The following TTC28 variants were observed in gnomAD, a reference collection of about 807,000 sequenced individuals.
TTC28 encodes tetratricopeptide repeat protein 28.
A neutral mutation model predicts 198.0 loss-of-function variants in TTC28; 61 were observed. The ratio of observed to expected loss-of-function variants is 0.31; its 90% confidence interval spans 0.25 to 0.38. The LOEUF (loss-of-function observed/expected upper bound fraction) is 0.38, where lower values mean the gene tolerates loss of function less well. TTC28 is among the 10% of genes least tolerant of loss of function. The probability of loss-of-function intolerance (pLI) is 1.00; values close to 1 mark genes in which losing one functional copy is unlikely to be tolerated. For synonymous variants in TTC28, 1,171 were observed against 1,297.8 expected (o/e 0.90, Z 2.10); for missense variants, 2,678 against 3,164.0 (o/e 0.85, Z 3.69).
intron 2 of TTC28, among the ~76,000 whole-genome samples, chr22:28,590,128 ATTT>A (rs1212753237): frequency 7.4e-6 from 1 of 135,136 alleles, no homozygotes; most frequent in Admixed American, 7.5e-5. Context: ...CAATTTCTAA[ATTT>A]TTTTTTTTTT....
intron 2 of TTC28, among the ~76,000 whole-genome samples, chr22:28,487,931 C>A (rs888272038): frequency 6.6e-6 from 1 of 152,088 alleles, no homozygotes; most frequent in African/African-American, 2.4e-5. Context: ...ATGCATTTTG[C>A]AACATATTTT....
intron 2 of TTC28, among the ~76,000 whole-genome samples, chr22:28,353,724 A>G (rs1453102533): frequency 6.6e-6 from 1 of 152,234 alleles, no homozygotes; most frequent in East Asian, 1.9e-4. Context: ...GGCACTACAA[A>G]GAGAGTAAAA....
chr22:28,151,358 A>C (rs1215640837), intron 6 of TTC28, among the ~76,000 whole-genome samples: 1 of 152,210 alleles, frequency 6.6e-6, no homozygotes, highest in East Asian at 1.9e-4. Flanking sequence ...AGACACAACT[A>C]TGGGACCTGG....
intron 6 of TTC28, among the ~76,000 whole-genome samples, chr22:28,149,890 T>A (rs1267757567): frequency 6.6e-6 from 1 of 152,186 alleles, no homozygotes; most frequent in Non-Finnish European, 1.5e-5. Flanking sequence ...GGGTAGATTT[T>A]AAATGTTCTC....
chr22:28,046,903 T>C (rs1420815696), intron 12 of TTC28, among the ~76,000 whole-genome samples: 2 of 152,094 alleles, frequency 1.3e-5, no homozygotes, highest in Non-Finnish European at 2.9e-5. Context: ...GAGGTGTCAA[T>C]GCAATAAATA....
At chr22:28,387,307 T>A (rs1430295817) in intron 2 of TTC28, among the ~76,000 whole-genome samples, 1 of 152,184 alleles carries the variant, frequency 6.6e-6, no homozygotes, top group Non-Finnish European at 1.5e-5. Context: ...TAAACATACG[T>A]GTGCATGTGT....
At chr22:28,337,749 G>T (rs1344371307) in intron 2 of TTC28, among the ~76,000 whole-genome samples, 17 of 152,130 alleles carry the variant, frequency 1.1e-4, no homozygotes, top group African/African-American at 2.9e-4. Flanking sequence ...CACGTGAGAT[G>T]GGTTTCCTGA....
intron 2 of TTC28, among the ~76,000 whole-genome samples, chr22:28,473,687 C>A (rs1175567107): frequency 6.6e-6 from 1 of 152,244 alleles, no homozygotes; most frequent in Non-Finnish European, 1.5e-5. Context: ...GCTAACACCA[C>A]TGCATGCCCT....
chr22:28,305,710 A>C (rs1254752762), intron 3 of TTC28, among the ~76,000 whole-genome samples: 1 of 152,172 alleles, frequency 6.6e-6, no homozygotes, highest in Non-Finnish European at 1.5e-5. Context: ...ACTGTCTACC[A>C]TAAATCTGCC....
intron 5 of TTC28, among the ~76,000 whole-genome samples, chr22:28,185,106 T>C (rs1323729741): frequency 6.6e-6 from 1 of 152,236 alleles, no homozygotes; most frequent in Non-Finnish European, 1.5e-5. Flanking sequence ...AATGAATATG[T>C]GGTACTAATG....
At chr22:28,677,666 G>A (rs1456895288) in intron 1 of TTC28, among the ~76,000 whole-genome samples, 2 of 151,596 alleles carry the variant, frequency 1.3e-5, no homozygotes, top group East Asian at 2.0e-4. Context: ...GCCAGGTGCC[G>A]TGGCTCACAC....
At chr22:28,617,420 C>T (rs1261817239) in intron 2 of TTC28, among the ~76,000 whole-genome samples, 1 of 151,864 alleles carries the variant, frequency 6.6e-6, no homozygotes, top group Non-Finnish European at 1.5e-5. Flanking sequence ...GTGGAGAATC[C>T]TTTGAGCCTG....
intron 2 of TTC28, among the ~76,000 whole-genome samples, chr22:28,541,120 T>C (rs376967491): frequency 2.6e-5 from 4 of 152,360 alleles, no homozygotes; most frequent in East Asian, 3.9e-4. Flanking sequence ...GCTTCCACTT[T>C]TGGCCATGAT....
At chr22:28,267,965 C>T (rs1364036547) in intron 5 of TTC28, among the ~76,000 whole-genome samples, 4 of 152,158 alleles carry the variant, frequency 2.6e-5, no homozygotes, top group Non-Finnish European at 5.9e-5. Flanking sequence ...AGTTTAATAT[C>T]AGGTATTTTA....
At chr22:28,013,680 A>G (rs1938243657) in intron 14 of TTC28, among the ~76,000 whole-genome samples, 1 of 152,152 alleles carries the variant, frequency 6.6e-6, no homozygotes, top group Non-Finnish European at 1.5e-5. Context: ...GTGGGGAAGC[A>G]TTCATTCCCA....
intron 2 of TTC28, among the ~76,000 whole-genome samples, chr22:28,360,051 G>A (rs134510): frequency 0.96 from 146,544 of 152,202 alleles, 70,610 homozygotes; most frequent in East Asian, 0.99. Context: ...TTGCAGTCAG[G>A]TCTCATTCTA....
intron 2 of TTC28, among the ~76,000 whole-genome samples, chr22:28,424,776 C>T (rs2047322329): frequency 6.6e-6 from 1 of 152,182 alleles, no homozygotes; most frequent in African/African-American, 2.4e-5. Context: ...CCATATGTTC[C>T]TGTTTCACAA....
At chr22:28,401,656 T>C (rs1169527599) in intron 2 of TTC28, among the ~76,000 whole-genome samples, 1 of 152,068 alleles carries the variant, frequency 6.6e-6, no homozygotes, top group Non-Finnish European at 1.5e-5. Context: ...TCAGGCACAG[T>C]GGCCTGCATC....
intron 5 of TTC28, among the ~76,000 whole-genome samples, chr22:28,243,754 G>C (rs1467313498): frequency 6.6e-6 from 1 of 152,112 alleles, no homozygotes; most frequent in African/African-American, 2.4e-5. Flanking sequence ...GAAAAAACAA[G>C]CAGGCAAAAG....
Sources: gnomAD v4.1 joint callset for allele counts (sites outside exome capture counted in the v4.1 genomes callset) on GRCh38, gnomAD v4.1.1 for gene constraint, MANE v1.5 for transcripts, NCBI Gene and HGNC (gene_info 2026-07-23, HGNC 2026-07-21) for gene names.